CADPS: variants seen among roughly 807,000 people sequenced by gnomAD.
CADPS encodes calcium-dependent secretion activator 1.
CADPS carries 57 observed loss-of-function variants against 167.3 expected under a neutral mutation model. The observed-to-expected ratio is 0.34, with a 90% confidence interval of 0.28 to 0.42. The LOEUF is 0.42. CADPS is among the 20% of genes least tolerant of loss of function. The pLI is 1.00. For missense variants in CADPS, 1,414 were observed against 1,738.1 expected (o/e 0.81, Z 3.32); for synonymous variants, 676 against 635.3 (o/e 1.06, Z -0.96).
intron 3 of CADPS, among the ~76,000 whole-genome samples, chr3:62,725,917 T>A (rs1054618798): frequency 3.3e-5 from 5 of 151,756 alleles, no homozygotes; most frequent in Non-Finnish European, 4.4e-5. Flanking sequence ...ACTGAGGCAT[T>A]GAGTCATAAG....
intron 1 of CADPS, among the ~76,000 whole-genome samples, chr3:62,809,008 TTTTC>T (rs2094258674): frequency 1.3e-5 from 2 of 152,158 alleles, no homozygotes; most frequent in Non-Finnish European, 1.5e-5. Flanking sequence ...TGATTTAGCT[TTTTC>T]TTTCTTTTTC....
At chr3:62,570,086 C>T (rs1172901395) in intron 9 of CADPS, among the ~76,000 whole-genome samples, 1 of 151,768 alleles carries the variant, frequency 6.6e-6, no homozygotes, top group Admixed American at 6.6e-5. Flanking sequence ...TAAGAATAGC[C>T]CAAATTGGGA....
In CADPS at chr3:62,601,236, T is replaced by A. The variant is rs990287574; in HGVS notation, c.1326-8488A>T. Among the ~76,000 whole-genome samples the A allele has an allele frequency of 2.6e-5, 4 of 152,188 alleles. No individual in the cohort carries two copies. The highest frequency in any genetic ancestry group is 6.5e-5 in the Admixed American group (1 of 15,268). On this transcript the variant is annotated intron_variant, in intron 6 of 29. Coordinates refer to ENST00000383710, the MANE Select transcript of CADPS (RefSeq NM_003716.4). This position sits in a 1 kb window ranked among gnomAD's most constrained non-coding sequence, Gnocchi z 4.3. The stretch of plus-strand genomic sequence containing the variant: ...ACATGAATATTATATGAAATTCAAA[T>A]TTTGATGCCCATCAATAACGTTTTA...
At chr3:62,447,716 G>A (rs1477684678) in intron 26 of CADPS, among the ~76,000 whole-genome samples, 3 of 152,186 alleles carry the variant, frequency 2.0e-5, no homozygotes, top group Non-Finnish European at 4.4e-5. Flanking sequence ...GTGACTGCCT[G>A]CAGAGGCTGG....
chr3:62,461,082 G>A (rs541871638), intron 26 of CADPS, among the ~76,000 whole-genome samples: 1 of 152,298 alleles, frequency 6.6e-6, no homozygotes, highest in Non-Finnish European at 1.5e-5. Context: ...GTTTAGTGAA[G>A]GAAGAATTCA....
intron 11 of CADPS, among the ~76,000 whole-genome samples, chr3:62,543,829 TG>T (rs1431414642): frequency 1.3e-5 from 2 of 152,164 alleles, no homozygotes; most frequent in Non-Finnish European, 2.9e-5. Context: ...AACACATTTT[TG>T]GTTGATAGTT....
intron 28 of CADPS, among the ~76,000 whole-genome samples, chr3:62,430,959 G>C (rs532521909): frequency 1.3e-5 from 2 of 152,224 alleles, no homozygotes; most frequent in South Asian, 2.1e-4. Flanking sequence ...AGTTCATTTG[G>C]ATTAGCTTTC....
chr3:62,688,236 C>A (rs944753131), intron 3 of CADPS, among the ~76,000 whole-genome samples: 1 of 40,304 alleles, frequency 2.5e-5, no homozygotes, highest in Non-Finnish European at 6.1e-5. Flanking sequence ...TTTCTTTCCC[C>A]TGTCATGCTA....
chr3:62,865,385 T>TAAAAAAAA (rs35780515), intron 1 of CADPS, among the ~76,000 whole-genome samples: 7 of 110,146 alleles, frequency 6.4e-5, no homozygotes, highest in African/African-American at 6.7e-5. Context: ...ACTTAAGGAT[T>TAAAAAAAA]AAAAAAAAAA....
chr3:62,398,718 T>C lies in CADPS; in HGVS notation c.*688A>G, dbSNP rs1704874627. The C allele has an allele frequency of 6.6e-6, 1 of 152,336 alleles. No homozygotes were observed. Among genetic ancestry groups the C allele is most frequent in the East Asian group, 1.9e-4 (1 of 5,190 alleles). The allele number at this position is 152,336 out of a possible 1,614,324, so 9.4% of individuals were successfully genotyped here. A position where few individuals can be genotyped will look rare whatever the true frequency, so the allele number is the denominator to read the frequency against. ...AAAACTTTGACAGAAGACAGTAGTT[T>C]TGAACTGCGCGCTTGATGTTAAGTC... On this transcript the variant is annotated 3_prime_UTR_variant, in exon 30 of 30. Coordinates refer to ENST00000383710, the MANE Select transcript of CADPS (RefSeq NM_003716.4).
At chr3:62,847,088 G>C (rs923152226) in intron 1 of CADPS, among the ~76,000 whole-genome samples, 9 of 152,190 alleles carry the variant, frequency 5.9e-5, no homozygotes, top group Admixed American at 5.9e-4. Context: ...TTTGGGCAGT[G>C]AGAGCCTTTT....
chr3:62,783,897 T>C (rs1038076873), intron 1 of CADPS, among the ~76,000 whole-genome samples: 2 of 152,080 alleles, frequency 1.3e-5, no homozygotes, highest in East Asian at 1.9e-4. Flanking sequence ...TACACACAAA[T>C]GCATACACGT....
At chr3:62,700,060 C>T (rs917081812) in intron 3 of CADPS, among the ~76,000 whole-genome samples, 5 of 152,072 alleles carry the variant, frequency 3.3e-5, no homozygotes, top group African/African-American at 1.2e-4. Context: ...CTCTATGGGT[C>T]CTCTATCTCT....
chr3:62,538,945 G>A (rs549420834), intron 11 of CADPS, among the ~76,000 whole-genome samples: 2 of 152,228 alleles, frequency 1.3e-5, no homozygotes, highest in East Asian at 3.9e-4. Flanking sequence ...ATGCAGCTTT[G>A]TGGTGCTAAT....
chr3:62,805,481 T>G (rs2094034145), intron 1 of CADPS, among the ~76,000 whole-genome samples: 1 of 152,206 alleles, frequency 6.6e-6, no homozygotes, highest in South Asian at 2.1e-4. Flanking sequence ...ACCTCGAAAC[T>G]ACTATGCTAT....
chr3:62,645,684 A>C, intron 6 of CADPS, 38 bp downstream of exon 6: 3 of 1,609,178 alleles, frequency 1.9e-6, no homozygotes, highest in Non-Finnish European at 2.5e-6. Flanking sequence ...AATGGCAGCA[A>C]CCCTCTATAA....
chr3:62,733,908 G>A (rs544586484), intron 3 of CADPS, among the ~76,000 whole-genome samples: 1 of 152,196 alleles, frequency 6.6e-6, no homozygotes, highest in East Asian at 1.9e-4. Flanking sequence ...CATCCTCACA[G>A]CTTAACTCCC....
intron 3 of CADPS, among the ~76,000 whole-genome samples, chr3:62,711,733 T>C (rs1301462680): frequency 6.6e-6 from 1 of 152,224 alleles, no homozygotes; most frequent in Non-Finnish European, 1.5e-5. Context: ...TGATCTGATC[T>C]TTTGGGTTGT....
chr3:62,673,417 T>C (rs998357372), intron 3 of CADPS, among the ~76,000 whole-genome samples: 1 of 152,180 alleles, frequency 6.6e-6, no homozygotes, highest in African/African-American at 2.4e-5. Flanking sequence ...AGAGAATAAC[T>C]GACTAAAGTG....
Sources: gnomAD v4.1 joint callset for allele counts (sites outside exome capture counted in the v4.1 genomes callset) on GRCh38, gnomAD v4.1.1 for gene constraint, Gnocchi (gnomAD v3.1) non-coding constraint, MANE v1.5 for transcripts, NCBI Gene and HGNC (gene_info 2026-07-23, HGNC 2026-07-21) for gene names.